RYR3: variants seen among roughly 807,000 people sequenced by gnomAD.
The protein encoded by RYR3 is ryanodine receptor 3.
A neutral mutation model predicts 584.3 loss-of-function variants in RYR3; 207 were observed. The observed-to-expected ratio is 0.35, with a 90% CI of 0.32 to 0.40. RYR3 has a LOEUF of 0.40. Among genes scored for constraint, RYR3 ranks in the 10% least tolerant of loss-of-function variants. RYR3 has a pLI of 1.00. For synonymous variants in RYR3, 2,416 were observed against 2,248.5 expected (o/e 1.07, Z -2.11); for missense variants, 5,616 against 6,089.2 (o/e 0.92, Z 2.59).
chr15:33,761,141 G>C (rs998555669), intron 60 of RYR3, among the ~76,000 whole-genome samples: 3 of 152,162 alleles, frequency 2.0e-5, no homozygotes, highest in African/African-American at 7.2e-5. Context: ...GCCCACAGGA[G>C]AAAGCAGGAA....
chr15:33,401,885 G>T (rs1007834700), intron 1 of RYR3, among the ~76,000 whole-genome samples: 1 of 152,160 alleles, frequency 6.6e-6, no homozygotes, highest in Non-Finnish European at 1.5e-5. Flanking sequence ...GGGGCAATGA[G>T]TGATTTTGTG....
Position 33,634,372 on chromosome 15 carries a change from C to T in RYR3, c.3028-214C>T, listed in dbSNP as rs2061406735. 2.0e-5 allele frequency among the ~76,000 whole-genome samples: 3 copies of T among 152,130 alleles called. No individual in the cohort carries two copies. In the South Asian group the frequency reaches 6.2e-4, roughly 32 times the overall value. On this transcript the variant is annotated intron_variant, in intron 24 of 103. Coordinates refer to ENST00000634891, the MANE Select transcript of RYR3 (RefSeq NM_001036.6). The stretch of plus-strand genomic sequence containing the variant: ...GGCCAAAAGTGTTTTTTAATGCTAG[C>T]TTTGAGCATTAGTAAAATGTTTCCA...
intron 1 of RYR3, among the ~76,000 whole-genome samples, chr15:33,320,855 C>T (rs1393600979): frequency 6.6e-6 from 1 of 152,158 alleles, no homozygotes; most frequent in Non-Finnish European, 1.5e-5. Flanking sequence ...CTAGCTATTC[C>T]AAATGTCATT....
chr15:33,771,206 C>A (rs564137295), intron 62 of RYR3, among the ~76,000 whole-genome samples: 1 of 152,128 alleles, frequency 6.6e-6, no homozygotes. Flanking sequence ...GGTCTTACAT[C>A]GGAAGAGTTT....
chr15:33,794,175 T>C (rs1310756602), intron 67 of RYR3, among the ~76,000 whole-genome samples: 1 of 88,676 alleles, frequency 1.1e-5, no homozygotes, highest in African/African-American at 3.4e-5. Context: ...TATACAAATA[T>C]ACATTATATA....
intron 38 of RYR3, among the ~76,000 whole-genome samples, chr15:33,680,219 A>G (rs4780153): frequency 0.58 from 87,540 of 152,170 alleles, 28,279 homozygotes; most frequent in East Asian, 0.73. Flanking sequence ...GGAAGTTTGT[A>G]TACCTCAGCT....
intron 52 of RYR3, among the ~76,000 whole-genome samples, chr15:33,745,840 G>T (rs1037240777): frequency 1.3e-5 from 2 of 152,170 alleles, no homozygotes; most frequent in African/African-American, 4.8e-5. Flanking sequence ...TGAGAAAGTG[G>T]AGAGGACAGC....
chr15:33,739,838 G>T lies in RYR3; in HGVS notation c.7663G>T (p.Asp2555Tyr). Residue 2555 changes from aspartate to tyrosine, a missense_variant, in exon 51 of 104, where the codon GAC becomes TAC. Asp to Tyr is a radical substitution (Grantham distance 160). Around this residue, in one of 9 missense-constraint regions of RYR3, gnomAD observed 1,280 missense variants for 1,426.2 expected, o/e 0.90. Transcript: ENST00000634891. Reference protein sequence around the residue: ...IFDSLSHKKYDPDLFRMALPC... With the variant: ...IFDSLSHKKYYPDLFRMALPC... Reference sequence around the variant, plus strand: ...CCTTGTTTTTCCCTCACAGAAATATGACCCAGATCTTTTCCGAATGGCCCT... The same window carrying T: ...CCTTGTTTTTCCCTCACAGAAATATTACCCAGATCTTTTCCGAATGGCCCT... 6.2e-7 allele frequency: 1 copy of T among 1,612,716 alleles called. No homozygotes were observed. The highest frequency in any genetic ancestry group is 8.5e-7 in the Non-Finnish European group (1 of 1,179,170).
chr15:33,669,262 G>A, intron 36 of RYR3, 92 bp from the exon 37 acceptor site: 1 of 815,688 alleles, frequency 1.2e-6, no homozygotes, highest in South Asian at 2.6e-5. Context: ...AAATAAATTT[G>A]AAAAGAATGT....
At chr15:33,844,673 T>G (rs993961485) in intron 92 of RYR3, among the ~76,000 whole-genome samples, 189 bp from the exon 93 acceptor site, 1 of 152,262 alleles carries the variant, frequency 6.6e-6, no homozygotes, top group Non-Finnish European at 1.5e-5. Flanking sequence ...TTTAAAAGTT[T>G]GTTTGCAATT....
Position 33,311,242 on chromosome 15 carries a change from G to T in RYR3, c.51+146G>T. The T allele has an allele frequency of 1.9e-6, 1 of 524,542 alleles. No homozygotes were observed. The highest frequency in any genetic ancestry group is 6.1e-5 in the South Asian group (1 of 16,288). The allele number at this position is 524,542 out of a possible 1,614,324, so 32.5% of individuals were successfully genotyped here. A position where few individuals can be genotyped will look rare whatever the true frequency, so the allele number is the denominator to read the frequency against. ...CACCCGCGGGCTGCAGAGGCGGACC[G>T]GCCACCTACCCGCGGGGCCGCGAGG... On this transcript the variant is annotated intron_variant, in intron 1 of 103. Coordinates refer to ENST00000634891, the MANE Select transcript of RYR3 (RefSeq NM_001036.6). The surrounding 1 kb of genome is among the most constrained non-coding windows in gnomAD (Gnocchi z 4.4).
intron 1 of RYR3, among the ~76,000 whole-genome samples, chr15:33,382,587 G>T (rs907614909): frequency 1.3e-5 from 2 of 152,036 alleles, no homozygotes; most frequent in Non-Finnish European, 2.9e-5. Context: ...CTCCTAAAGT[G>T]CTGGGATTAC....
In RYR3 at chr15:33,853,182, GCTA is replaced by G. The variant is rs1315445600; in HGVS notation, c.13671+98_13671+100del. On this transcript the variant is annotated intron_variant, in intron 95 of 103. Transcript: ENST00000634891. ...ACATACAAACATGAGTAAATGTGAT[GCTA>G]CTTTTATGATAATATCTCAAGAAGA... The G allele has an allele frequency of 7.3e-5, 79 of 1,088,008 alleles. No homozygotes were observed. In the South Asian group the frequency reaches 1.1e-3, roughly 15 times the overall value. 67.4% of individuals were successfully genotyped at this position (1,088,008 alleles called of 1,614,324 possible). A position where few individuals can be genotyped will look rare whatever the true frequency, so the allele number is the denominator to read the frequency against.
Position 33,827,285 on chromosome 15 carries a change from C to T in RYR3, c.11332C>T (p.Gln3778Ter). The change falls in exon 85 of 104, where the codon CAG becomes TAG. Residue 3778 changes from glutamine to a stop codon, truncating the protein, a stop_gained and splice_region_variant. Coordinates refer to ENST00000634891, the MANE Select transcript of RYR3 (RefSeq NM_001036.6). LOFTEE classifies it high-confidence loss of function. Reference sequence around the variant, plus strand: ...CACTGTGGACTACCTTCTGCGTCTGCAGGTGAGTGGGAGGGCCTTGGACAA... The same window carrying T: ...CACTGTGGACTACCTTCTGCGTCTGTAGGTGAGTGGGAGGGCCTTGGACAA... ...ISTVDYLLRLQESISDFYWYY... is the reference protein window; with the variant it reads ...ISTVDYLLRL The T allele has an allele frequency of 6.4e-7, 1 of 1,552,868 alleles. No individual in the cohort carries two copies. Among genetic ancestry groups the T allele is most frequent in the South Asian group, 1.2e-5 (1 of 84,090 alleles).
At chr15:33,722,929 C>T (rs770079308) in intron 44 of RYR3, 34 bp downstream of exon 44, 46 of 1,512,618 alleles carry the variant, frequency 3.0e-5, no homozygotes, top group African/African-American at 1.1e-4. Flanking sequence ...GGCACAGATA[C>T]GGTTGGTGAG....
intron 74 of RYR3, chr15:33,815,560 G>C (rs538270036): frequency 7.5e-6 from 2 of 267,274 alleles, no homozygotes; most frequent in African/African-American, 4.4e-5. Flanking sequence ...GTAAGAGTAA[G>C]TCTAGGAATT....
At chr15:33,432,667 A>AG (rs777875620) in intron 1 of RYR3, among the ~76,000 whole-genome samples, 13,666 of 74,954 alleles carry the variant, frequency 0.18, 797 homozygotes, top group African/African-American at 0.39. Context: ...CGCCTAGCTA[A>AG]TTGTGTGTGT....
At chr15:33,551,750 AT>A (rs955634820) in intron 10 of RYR3, among the ~76,000 whole-genome samples, 4 of 113,838 alleles carry the variant, frequency 3.5e-5, no homozygotes, top group African/African-American at 2.3e-4. Flanking sequence ...CTTTGCTATC[AT>A]TTTTTTTTAG....
chr15:33,375,428 T>G (rs2040653630), intron 1 of RYR3, among the ~76,000 whole-genome samples: 1 of 152,170 alleles, frequency 6.6e-6, no homozygotes, highest in Non-Finnish European at 1.5e-5. Context: ...GAGGAAGTTG[T>G]CACTTCCTTC....
Sources: allele counts gnomAD v4.1 joint callset (sites outside exome capture counted in the v4.1 genomes callset), GRCh38; gene constraint gnomAD v4.1.1; regional missense constraint gnomAD v4.1.1; non-coding constraint Gnocchi (gnomAD v3.1); transcripts MANE v1.5; gene names NCBI Gene and HGNC (gene_info 2026-07-23, HGNC 2026-07-21).